Variants in RALGAPA2 observed in about 807,000 individuals in gnomAD.
RALGAPA2 encodes the protein ral GTPase-activating protein subunit alpha-2.
Under a neutral mutation model 230.4 loss-of-function variants are expected in RALGAPA2, and 139 were observed. That is an observed-to-expected ratio of 0.60 (90% CI 0.53 to 0.69). RALGAPA2 has a LOEUF of 0.69. Ranked by LOEUF, RALGAPA2 falls within the 30% of genes least tolerant of loss-of-function variation. The pLI, the probability that RALGAPA2 is intolerant of heterozygous loss-of-function variation, is 0.00. For missense variants in RALGAPA2, 2,163 were observed against 2,276.0 expected, an observed-to-expected ratio of 0.95 and a Z score of 1.01; for synonymous variants, 847 against 837.8, an observed-to-expected ratio of 1.01 and a Z score of -0.19.
chr20:20,597,270 C>T (rs2065484162), intron 16 of RALGAPA2, among the ~76,000 whole-genome samples: 2 of 152,146 alleles, frequency 1.3e-5, no homozygotes, highest in African/African-American at 4.8e-5. Context: ...TAATCATCTC[C>T]AAACAATAGC....
chr20:20,565,134 G>A (rs1164250746), intron 23 of RALGAPA2, among the ~76,000 whole-genome samples: 2 of 152,146 alleles, frequency 1.3e-5, no homozygotes, highest in Non-Finnish European at 2.9e-5. Context: ...TGTACAGAAT[G>A]AGCACTTTAG....
At chr20:20,662,789 G>A (rs1603220736) in intron 3 of RALGAPA2, among the ~76,000 whole-genome samples, 1 of 152,356 alleles carries the variant, frequency 6.6e-6, no homozygotes, top group East Asian at 1.9e-4. Flanking sequence ...AATCAGGGAT[G>A]TCAGTACATG....
chr20:20,542,490 C>T (rs145903812), intron 24 of RALGAPA2, among the ~76,000 whole-genome samples: 204 of 152,278 alleles, frequency 1.3e-3, no homozygotes, highest in African/African-American at 4.7e-3. Flanking sequence ...GGAGGCATCA[C>T]GATACCTGAC....
intron 12 of RALGAPA2, among the ~76,000 whole-genome samples, chr20:20,617,943 C>T (rs1281602582): frequency 6.6e-6 from 1 of 152,050 alleles, no homozygotes; most frequent in Non-Finnish European, 1.5e-5. Context: ...TGTTTTTTCT[C>T]AGTTCAGGCA....
intron 24 of RALGAPA2, among the ~76,000 whole-genome samples, chr20:20,537,289 T>C (rs1489684898): frequency 6.6e-6 from 1 of 152,174 alleles, no homozygotes; most frequent in East Asian, 1.9e-4. Context: ...TCTAGTGAGA[T>C]ACTTTTATTT....
At position 20,571,623 on chromosome 20, in the gene RALGAPA2, AGAT is replaced by A. The variant is rs761065129; in HGVS notation, c.3001-13_3001-11del. On this transcript the variant is annotated splice_polypyrimidine_tract_variant and intron_variant, in intron 22 of 39. Transcript: ENST00000202677. Reference sequence around the variant, plus strand: ...TTGGCAGTGTCGCCGCCTGTCAAGGAGATGATGTTTCCAGATTAAATCAAGCCC... The same window carrying A: ...TTGGCAGTGTCGCCGCCTGTCAAGGAGATGTTTCCAGATTAAATCAAGCCC... The A allele has an allele frequency of 6.2e-7, 1 of 1,605,850 alleles. No homozygotes were observed. Among genetic ancestry groups the A allele is most frequent in the Non-Finnish European group, 8.5e-7 (1 of 1,176,124 alleles).
At chr20:20,573,518 C>T (rs1320344504) in intron 20 of RALGAPA2, among the ~76,000 whole-genome samples, 2 of 152,144 alleles carry the variant, frequency 1.3e-5, no homozygotes, top group African/African-American at 2.4e-5. Context: ...GGAATGTATA[C>T]GTTCATGCAA....
intron 39 of RALGAPA2, among the ~76,000 whole-genome samples, chr20:20,393,548 T>C (rs2059641901): frequency 6.6e-6 from 1 of 152,164 alleles, no homozygotes; most frequent in East Asian, 1.9e-4. Flanking sequence ...AGAAAAGGCA[T>C]CTGGTCACAG....
Position 20,616,032 on chromosome 20 carries a change from T to C in RALGAPA2, c.1688+11A>G. On this transcript the variant is annotated intron_variant, in intron 13 of 39. Coordinates refer to ENST00000202677, the MANE Select transcript of RALGAPA2 (RefSeq NM_020343.4). The stretch of plus-strand genomic sequence containing the variant: ...TGTTTTACAATACTAATTAATTTGA[T>C]ATAAACTTACCATGTCTTTTTATTC... 1.4e-6 allele frequency: 2 copies of C among 1,463,452 alleles called. No homozygotes were observed. Among genetic ancestry groups the C allele is most frequent in the Non-Finnish European group, 1.8e-6 (2 of 1,098,542 alleles). 90.7% of individuals were successfully genotyped at this position (1,463,452 alleles called of 1,614,324 possible). A position where few individuals can be genotyped will look rare whatever the true frequency, so the allele number is the denominator to read the frequency against.
At chr20:20,657,442 A>G (rs2067628089) in intron 3 of RALGAPA2, among the ~76,000 whole-genome samples, 1 of 152,244 alleles carries the variant, frequency 6.6e-6, no homozygotes, top group African/African-American at 2.4e-5. Flanking sequence ...TTGAAGGGGA[A>G]TATGTACAGT....
chr20:20,557,573 G>GC lies in RALGAPA2; in HGVS notation c.3157-10742dup, dbSNP rs558212425. ...TCAGGTGTTGCTTAAGGTCATGGCT[G>GC]CAAGGGCATAGTAAAGATTTAATCG... On this transcript the variant is annotated intron_variant, in intron 23 of 39. Coordinates refer to ENST00000202677, the MANE Select transcript of RALGAPA2 (RefSeq NM_020343.4). Among the ~76,000 whole-genome samples, 491 of 152,336 alleles carry GC rather than the reference G, an allele frequency of 3.2e-3. 1 individual carries two copies. The highest frequency in any genetic ancestry group is 0.014 in the Middle Eastern group (4 of 294).
chr20:20,524,382 C>T (rs754683773), intron 30 of RALGAPA2, 24 bp downstream of exon 30: 2 of 1,613,302 alleles, frequency 1.2e-6, no homozygotes, highest in South Asian at 2.2e-5. Flanking sequence ...CACTCCATTC[C>T]CCCAGGCCCA....
intron 5 of RALGAPA2, among the ~76,000 whole-genome samples, chr20:20,641,346 G>A (rs1216911034): frequency 1.3e-5 from 2 of 152,128 alleles, no homozygotes; most frequent in African/African-American, 4.8e-5. Context: ...TAAAAACAAT[G>A]ACAAAGATAA....
chr20:20,572,796 T>C (rs1348548943), intron 21 of RALGAPA2, 79 bp downstream of exon 21: 1 of 1,223,078 alleles, frequency 8.2e-7, no homozygotes, highest in Admixed American at 3.0e-5. Context: ...GTTCAGTAGT[T>C]AACTGAAACA....
chr20:20,457,894 A>C (rs1406944240), intron 37 of RALGAPA2, among the ~76,000 whole-genome samples: 1 of 152,194 alleles, frequency 6.6e-6, no homozygotes, highest in Non-Finnish European at 1.5e-5. Flanking sequence ...CCAAGGGAAC[A>C]TGCCACGTGG....
chr20:20,661,594 T>G (rs767678844), intron 3 of RALGAPA2, among the ~76,000 whole-genome samples: 3 of 152,148 alleles, frequency 2.0e-5, no homozygotes, highest in Admixed American at 6.5e-5. Flanking sequence ...CCAAAATCAG[T>G]GACCTCTCCC....
chr20:20,536,576 T>C lies in RALGAPA2; in HGVS notation c.3414+80A>G, dbSNP rs554649210. On this transcript the variant is annotated intron_variant, in intron 25 of 39. Coordinates refer to ENST00000202677, the MANE Select transcript of RALGAPA2 (RefSeq NM_020343.4). ...AACTTCAGGAATAAGCAGATTAATATACACTAATGGAAGAGATAATCATAC... is the reference window on the plus strand; with the variant it reads ...AACTTCAGGAATAAGCAGATTAATACACACTAATGGAAGAGATAATCATAC... 9.1e-5 allele frequency: 133 copies of C among 1,467,780 alleles called. No individual in the cohort carries two copies. The African/African-American group carries it at 1.5e-3, about 16-fold the overall frequency. 90.9% of individuals were successfully genotyped at this position (1,467,780 alleles called of 1,614,324 possible).
chr20:20,426,596 G>A (rs973960158), intron 37 of RALGAPA2, among the ~76,000 whole-genome samples: 5 of 152,160 alleles, frequency 3.3e-5, no homozygotes, highest in Non-Finnish European at 7.4e-5. Context: ...ACACTGTAAT[G>A]ATCTTAGAGG....
intron 9 of RALGAPA2, among the ~76,000 whole-genome samples, chr20:20,633,225 C>T (rs1226747029): frequency 6.6e-6 from 1 of 152,088 alleles, no homozygotes; most frequent in African/African-American, 2.4e-5. Flanking sequence ...ACCTCCACCT[C>T]CCAGGTTCAA....
Sources: gnomAD v4.1 joint callset for allele counts (sites outside exome capture counted in the v4.1 genomes callset) on GRCh38, gnomAD v4.1.1 for gene constraint, MANE v1.5 for transcripts, NCBI Gene and HGNC (gene_info 2026-07-23, HGNC 2026-07-21) for gene names.